MRTFA: variants seen among roughly 807,000 people sequenced by gnomAD.
MRTFA encodes myocardin related transcription factor A, also known as myocardin-related transcription factor A.
In MRTFA, 20 loss-of-function variants were observed where a neutral mutation model predicts 83.5. The observed-to-expected ratio is 0.24, with a 90% CI of 0.17 to 0.35. The LOEUF is 0.35. Among genes scored for constraint, MRTFA ranks in the 10% least tolerant of loss-of-function variants. The pLI is 1.00. For synonymous variants in MRTFA, 659 were observed against 541.2 expected (o/e 1.22, Z -3.02); for missense variants, 1,200 against 1,224.7 (o/e 0.98, Z 0.30).
At chr22:40,426,459 G>A (rs1239400902) in intron 7 of MRTFA, among the ~76,000 whole-genome samples, 2 of 152,048 alleles carry the variant, frequency 1.3e-5, no homozygotes, top group African/African-American at 4.8e-5. Flanking sequence ...AGCTACATTT[G>A]CCATCACCAC....
At chr22:40,424,143 G>C in intron 8 of MRTFA, 63 bp downstream of exon 8, 1 of 1,475,042 alleles carries the variant, frequency 6.8e-7, no homozygotes, top group Non-Finnish European at 9.0e-7. Context: ...CCAGGAGAGA[G>C]ACCTTACTCT....
intron 3 of MRTFA, among the ~76,000 whole-genome samples, chr22:40,468,316 C>T (rs143309547): frequency 2.0e-5 from 3 of 152,296 alleles, no homozygotes; most frequent in African/African-American, 7.2e-5. Flanking sequence ...AGGAAACATG[C>T]AGTTGATAGC....
chr22:40,556,546 G>C (rs1006520880), intron 2 of MRTFA, among the ~76,000 whole-genome samples: 3 of 152,158 alleles, frequency 2.0e-5, no homozygotes, highest in African/African-American at 4.8e-5. Context: ...TTTGAACTCA[G>C]TATTAGGAAC....
rs1602288589 is a variant in MRTFA, at chr22:40,464,886, C to T, written c.242-1600G>A. On this transcript the variant is annotated intron_variant, in intron 3 of 14. Transcript: ENST00000355630. ...ATGTCTGGGCCAACTTCAACTCTAC[C>T]TCCTCACACTCACACTCCCCTCTTA... 2.6e-5 allele frequency among the ~76,000 whole-genome samples: 4 copies of T among 152,186 alleles called. No individual in the cohort carries two copies. The South Asian group carries it at 8.3e-4, about 32-fold the overall frequency.
intron 11 of MRTFA, 26 bp from the exon 12 acceptor site, chr22:40,419,410 G>C: frequency 6.2e-7 from 1 of 1,607,548 alleles, no homozygotes; most frequent in East Asian, 2.2e-5. Flanking sequence ...GAGTCAGGGA[G>C]GCCAGGGGCA....
intron 3 of MRTFA, among the ~76,000 whole-genome samples, chr22:40,540,690 T>C (rs923852948): frequency 2.6e-5 from 4 of 151,234 alleles, no homozygotes; most frequent in African/African-American, 9.7e-5. Flanking sequence ...TGAGGCAGAA[T>C]TGCTTGAATG....
intron 3 of MRTFA, among the ~76,000 whole-genome samples, chr22:40,514,163 G>A (rs911719740): frequency 1.3e-5 from 2 of 151,658 alleles, no homozygotes; most frequent in African/African-American, 4.8e-5. Context: ...GGAGGCTGAG[G>A]CAAGAGAATC....
intron 3 of MRTFA, among the ~76,000 whole-genome samples, chr22:40,546,698 G>T (rs772313506): frequency 6.6e-6 from 1 of 152,184 alleles, no homozygotes; most frequent in Non-Finnish European, 1.5e-5. Context: ...TGCTGGGAAA[G>T]ATTTCAGTTA....
intron 1 of MRTFA, among the ~76,000 whole-genome samples, chr22:40,603,867 C>A (rs1229503979): frequency 1.3e-5 from 2 of 151,446 alleles, no homozygotes; most frequent in Non-Finnish European, 2.9e-5. Context: ...CCCACCTTGG[C>A]CTTCCATAGT....
intron 3 of MRTFA, among the ~76,000 whole-genome samples, chr22:40,521,136 G>C (rs1602376131): frequency 3.9e-5 from 6 of 152,208 alleles, no homozygotes; most frequent in African/African-American, 1.4e-4. Flanking sequence ...TCCCTCCAAT[G>C]ATAACATCTT....
At chr22:40,503,566 T>C (rs1001373322) in intron 3 of MRTFA, among the ~76,000 whole-genome samples, 2 of 152,192 alleles carry the variant, frequency 1.3e-5, no homozygotes, top group Non-Finnish European at 2.9e-5. Flanking sequence ...AGCTTGAGAC[T>C]CCGATATTAT....
intron 2 of MRTFA, among the ~76,000 whole-genome samples, chr22:40,591,110 G>A (rs922730956): frequency 4.6e-5 from 7 of 152,032 alleles, no homozygotes; most frequent in Non-Finnish European, 1.0e-4. Context: ...ACTCCAGCCT[G>A]GCGACAGAGC....
intron 4 of MRTFA, among the ~76,000 whole-genome samples, chr22:40,440,961 C>G (rs1288026518): frequency 6.6e-6 from 1 of 152,220 alleles, no homozygotes; most frequent in Non-Finnish European, 1.5e-5. Context: ...TAGACTCCAT[C>G]TCCCCTCTCC....
intron 4 of MRTFA, among the ~76,000 whole-genome samples, chr22:40,442,950 C>A (rs1421342561): frequency 6.6e-6 from 1 of 152,126 alleles, no homozygotes; most frequent in Non-Finnish European, 1.5e-5. Flanking sequence ...TGGGCCCACT[C>A]CATTAAGAAC....
intron 3 of MRTFA, among the ~76,000 whole-genome samples, chr22:40,492,120 G>T (rs2054281475): frequency 6.6e-6 from 1 of 152,100 alleles, no homozygotes; most frequent in Non-Finnish European, 1.5e-5. Context: ...CCTCCAGCAT[G>T]CTGGAGGAGA....
At chr22:40,527,848 C>T (rs1040093658) in intron 3 of MRTFA, among the ~76,000 whole-genome samples, 2 of 151,194 alleles carry the variant, frequency 1.3e-5, no homozygotes, top group African/African-American at 4.9e-5. Context: ...TTTAATTTGG[C>T]ACTGTTTTAA....
At chr22:40,413,311 AAAAG>A (rs1055434363) in intron 14 of MRTFA, among the ~76,000 whole-genome samples, 6 of 151,848 alleles carry the variant, frequency 4.0e-5, no homozygotes, top group East Asian at 1.9e-4. Flanking sequence ...CAACAACAAA[AAAAG>A]GTAAATTTTA....
rs1054574550 is a variant in MRTFA, at chr22:40,411,687, C to T, written c.2799G>A (p.Gly933=). 2 of 1,598,964 alleles carry T rather than the reference C, an allele frequency of 1.3e-6. No homozygotes were observed. Among genetic ancestry groups the T allele is most frequent in the African/African-American group, 1.3e-5 (1 of 74,886 alleles). ...CGTCAATGAGGGAAAGGGGCTCTGG[C>T]CCGTCATGCCCACTGGTCAGCAGGG... Residue 933 remains glycine, a synonymous_variant, in exon 15 of 15, where the codon GGG becomes GGA. Coordinates refer to ENST00000355630, the MANE Select transcript of MRTFA (RefSeq NM_020831.6).
chr22:40,536,992 C>T (rs2055190864), intron 3 of MRTFA, among the ~76,000 whole-genome samples: 1 of 84,308 alleles, frequency 1.2e-5, no homozygotes, highest in Admixed American at 1.3e-4. Context: ...GCCCGGCAGC[C>T]ACCCCGTCCG....
Sources: gnomAD v4.1 joint callset for allele counts (sites outside exome capture counted in the v4.1 genomes callset) on GRCh38, gnomAD v4.1.1 for gene constraint, MANE v1.5 for transcripts, NCBI Gene and HGNC (gene_info 2026-07-23, HGNC 2026-07-21) for gene names.